The following KIF26B variants were observed in gnomAD, a reference collection of about 807,000 sequenced individuals.
The protein encoded by KIF26B is kinesin-like protein KIF26B.
In KIF26B, 63 loss-of-function variants were observed where a neutral mutation model predicts 151.2. The observed-to-expected ratio is 0.42, with a 90% CI of 0.34 to 0.51. The LOEUF (loss-of-function observed/expected upper bound fraction) is 0.51. KIF26B is among the 20% of genes least tolerant of loss of function. The probability of loss-of-function intolerance (pLI) is 0.07; values close to 1 mark genes in which losing one functional copy is unlikely to be tolerated. For missense variants in KIF26B, 2,813 were observed against 2,913.6 expected (o/e 0.97, Z 0.79); for synonymous variants, 1,357 against 1,262.1 (o/e 1.08, Z -1.59).
At chr1:245,478,483 G>A (rs377613759) in intron 4 of KIF26B, among the ~76,000 whole-genome samples, 6,678 of 146,512 alleles carry the variant, frequency 0.046, 328 homozygotes, top group Admixed American at 0.12. Flanking sequence ...GCTGGAGTGC[G>A]GTGGCGCGAT....
intron 2 of KIF26B, among the ~76,000 whole-genome samples, chr1:245,240,433 A>G (rs1363776732): frequency 6.6e-6 from 1 of 152,188 alleles, no homozygotes; most frequent in Non-Finnish European, 1.5e-5. Context: ...TTTCCATTTC[A>G]TAAGTCCTGG....
At position 245,479,525 on chromosome 1, in the gene KIF26B, G is replaced by A. The variant is rs1660116039; in HGVS notation, c.1166+59780G>A. On this transcript the variant is annotated intron_variant, in intron 4 of 14. Coordinates refer to ENST00000407071, the MANE Select transcript of KIF26B (RefSeq NM_018012.4). ...TGTTCTCCCATGTATACCTTGGTTT[G>A]TGATCAGTGTGTAAAGGAGGAGGAA... is the stretch of plus-strand genomic sequence containing the variant. 1.3e-5 allele frequency among the ~76,000 whole-genome samples: 2 copies of A among 151,774 alleles called. 1 individual carries two copies. The highest frequency in any genetic ancestry group is 2.9e-5 in the Non-Finnish European group (2 of 67,816).
chr1:245,579,602 G>A (rs1041146796), intron 5 of KIF26B, among the ~76,000 whole-genome samples: 7 of 152,158 alleles, frequency 4.6e-5, no homozygotes, highest in Admixed American at 4.6e-4. Context: ...CTGAGGTCGG[G>A]AGTTCCAGAC....
At chr1:245,389,810 C>T (rs1262096827) in intron 3 of KIF26B, among the ~76,000 whole-genome samples, 3 of 152,204 alleles carry the variant, frequency 2.0e-5, no homozygotes, top group African/African-American at 7.2e-5. Context: ...CAGCCCAACA[C>T]TGTGAATGCA....
At chr1:245,672,971 C>A (rs2044307118) in intron 10 of KIF26B, among the ~76,000 whole-genome samples, 1 of 152,202 alleles carries the variant, frequency 6.6e-6, no homozygotes, top group African/African-American at 2.4e-5. Context: ...AGGGACTCAC[C>A]TGGGTTTCCA....
At chr1:245,552,286 C>T (rs937126436) in intron 5 of KIF26B, among the ~76,000 whole-genome samples, 3 of 151,850 alleles carry the variant, frequency 2.0e-5, no homozygotes, top group African/African-American at 4.8e-5. Context: ...AGGCGGGCAG[C>T]CGACAAGCAG....
rs1660963618 is a variant in KIF26B, at chr1:245,516,345, C to T, written c.1167-24422C>T. ...ACGTGTAACAGGAATTGTCCGTTCCCATGGCCAGTCCTCATGTAGAGCCAC... is the reference window on the plus strand; with the variant it reads ...ACGTGTAACAGGAATTGTCCGTTCCTATGGCCAGTCCTCATGTAGAGCCAC... On this transcript the variant is annotated intron_variant, in intron 4 of 14. Coordinates refer to ENST00000407071, the MANE Select transcript of KIF26B (RefSeq NM_018012.4). This position sits in a 1 kb window ranked among gnomAD's most constrained non-coding sequence, Gnocchi z 4.2. Among the ~76,000 whole-genome samples, 1 of 152,154 alleles carries T rather than the reference C, an allele frequency of 6.6e-6. No homozygotes were observed. The highest frequency in any genetic ancestry group is 1.5e-5 in the Non-Finnish European group (1 of 68,026).
At chr1:245,637,699 A>C (rs998112306) in intron 9 of KIF26B, among the ~76,000 whole-genome samples, 1 of 152,046 alleles carries the variant, frequency 6.6e-6, no homozygotes, top group Non-Finnish European at 1.5e-5. Context: ...ATGAAGCTCT[A>C]GTTTCATTCT....
At chr1:245,402,886 GA>G (rs1674040725) in intron 3 of KIF26B, among the ~76,000 whole-genome samples, 1 of 152,194 alleles carries the variant, frequency 6.6e-6, no homozygotes, top group Non-Finnish European at 1.5e-5. Context: ...TCATGGCTGC[GA>G]AGAGTTTTCC....
At chr1:245,461,023 G>A (rs952052287) in intron 4 of KIF26B, among the ~76,000 whole-genome samples, 1 of 152,218 alleles carries the variant, frequency 6.6e-6, no homozygotes, top group African/African-American at 2.4e-5. Flanking sequence ...AGAGGACCCA[G>A]CACAGGCGTT....
intron 3 of KIF26B, among the ~76,000 whole-genome samples, chr1:245,385,498 C>T (rs896936817): frequency 6.6e-6 from 1 of 152,202 alleles, no homozygotes; most frequent in African/African-American, 2.4e-5. Context: ...AGTACTTTTA[C>T]ATTGTAGTAC....
chr1:245,213,661 G>T (rs961812651), intron 2 of KIF26B, among the ~76,000 whole-genome samples: 1 of 152,202 alleles, frequency 6.6e-6, no homozygotes. Flanking sequence ...CCCTGAGAGC[G>T]CTGGGAGCCT....
At chr1:245,541,960 C>G (rs566796524) in intron 5 of KIF26B, among the ~76,000 whole-genome samples, 2 of 152,252 alleles carry the variant, frequency 1.3e-5, no homozygotes, top group African/African-American at 4.8e-5. Flanking sequence ...CAGTTTCTCC[C>G]GTGTCCTTCC....
At chr1:245,160,234 C>G (rs1668510155) in intron 2 of KIF26B, among the ~76,000 whole-genome samples, 1 of 152,094 alleles carries the variant, frequency 6.6e-6, no homozygotes, top group Non-Finnish European at 1.5e-5. Flanking sequence ...TTGATCAGTA[C>G]AAAAAGTACT....
Position 245,687,861 on chromosome 1 carries a change from C to T in KIF26B, c.4878C>T (p.Pro1626=), listed in dbSNP as rs749801540. The T allele has an allele frequency of 6.3e-7, 1 of 1,593,090 alleles. No individual in the cohort carries two copies. Among genetic ancestry groups the T allele is most frequent in the African/African-American group, 1.3e-5 (1 of 74,372 alleles). ...CCAGCGGCAGCGGCACCAGCAGCCCCCTGAACCAACCAGCCGCCTTCCCGG... is the reference window on the plus strand; with the variant it reads ...CCAGCGGCAGCGGCACCAGCAGCCCTCTGAACCAACCAGCCGCCTTCCCGG... ...HSASGSGTSS[P]LNQPAAFPAG... The change falls in exon 12 of 15, where the codon CCC becomes CCT. Residue 1626 remains proline, a synonymous_variant. Coordinates refer to ENST00000407071, the MANE Select transcript of KIF26B (RefSeq NM_018012.4). The surrounding 1 kb of genome is among the most constrained non-coding windows in gnomAD (Gnocchi z 4.9).
intron 2 of KIF26B, among the ~76,000 whole-genome samples, chr1:245,197,099 A>G (rs376361013): frequency 5.9e-5 from 9 of 152,168 alleles, no homozygotes; most frequent in African/African-American, 1.9e-4. Flanking sequence ...CCTCTGCATC[A>G]CCCGACCAAT....
intron 3 of KIF26B, among the ~76,000 whole-genome samples, chr1:245,413,525 T>C (rs561929495): frequency 6.6e-6 from 1 of 152,054 alleles, no homozygotes; most frequent in East Asian, 1.9e-4. Context: ...TAGCTGGGCA[T>C]GGTGGCGTCC....
intron 2 of KIF26B, among the ~76,000 whole-genome samples, chr1:245,216,638 T>C (rs1277592502): frequency 6.6e-6 from 1 of 152,222 alleles, no homozygotes; most frequent in African/African-American, 2.4e-5. Context: ...TTATGTTCCC[T>C]GGAATCATCT....
intron 9 of KIF26B, among the ~76,000 whole-genome samples, chr1:245,621,916 T>G (rs1286064626): frequency 7.2e-5 from 11 of 152,262 alleles, no homozygotes; most frequent in Admixed American, 6.5e-4. Flanking sequence ...TATTTTATAT[T>G]ATCATCCTCA....
Sources: gnomAD v4.1 joint callset for allele counts (sites outside exome capture counted in the v4.1 genomes callset) on GRCh38, gnomAD v4.1.1 for gene constraint, Gnocchi (gnomAD v3.1) non-coding constraint, MANE v1.5 for transcripts, NCBI Gene and HGNC (gene_info 2026-07-23, HGNC 2026-07-21) for gene names.